Variants in FSTL4 observed in about 807,000 individuals in gnomAD.
FSTL4 encodes the protein follistatin like 4, also known as follistatin-related protein 4.
FSTL4 carries 28 observed loss-of-function variants against 78.2 expected under a neutral mutation model. That is an observed-to-expected ratio of 0.36 (90% CI 0.27 to 0.49). The LOEUF is 0.49. FSTL4 is among the 20% of genes least tolerant of loss of function. The probability of loss-of-function intolerance (pLI) is 0.98; values close to 1 mark genes in which losing one functional copy is unlikely to be tolerated. For synonymous variants in FSTL4, 422 were observed against 440.5 expected, an observed-to-expected ratio of 0.96 and a Z score of 0.53; for missense variants, 922 against 1,084.9, an observed-to-expected ratio of 0.85 and a Z score of 2.11.
chr5:133,818,261 A>G, the FSTL4 span, among the ~76,000 whole-genome samples: 2 of 152,206 alleles, frequency 1.3e-5, no homozygotes, highest in Non-Finnish European at 2.9e-5. Flanking sequence ...CTCTGCAAGG[A>G]GCTGCCAGGA....
At chr5:133,380,327 C>T (rs957503927) in intron 4 of FSTL4, among the ~76,000 whole-genome samples, 4 of 150,768 alleles carry the variant, frequency 2.7e-5, no homozygotes, top group African/African-American at 9.7e-5. Context: ...TTAGAAGTCT[C>T]GAATTACTAA....
upstream of FSTL4, among the ~76,000 whole-genome samples, chr5:133,613,674 C>T (rs1761151493): frequency 6.6e-6 from 1 of 152,188 alleles, no homozygotes; most frequent in Non-Finnish European, 1.5e-5. Flanking sequence ...TGGCATCACA[C>T]AGTTTTGGTC....
the FSTL4 span, among the ~76,000 whole-genome samples, chr5:133,763,773 G>T: frequency 6.6e-6 from 1 of 152,196 alleles, no homozygotes; most frequent in Non-Finnish European, 1.5e-5. Context: ...AAGTGAGGAG[G>T]CAGGTGATCT....
intron 4 of FSTL4, among the ~76,000 whole-genome samples, chr5:133,371,202 C>T (rs1161724320): frequency 1.3e-5 from 2 of 152,248 alleles, no homozygotes. Flanking sequence ...AGCTCTGGGA[C>T]TTAATGGAAT....
chr5:133,484,908 G>A (rs948008051), intron 3 of FSTL4, among the ~76,000 whole-genome samples: 1 of 152,180 alleles, frequency 6.6e-6, no homozygotes, highest in African/African-American at 2.4e-5. Flanking sequence ...TAAGCACCTT[G>A]TATTTATTAG....
chr5:133,255,846 G>A (rs1292693486), intron 6 of FSTL4, among the ~76,000 whole-genome samples: 1 of 152,192 alleles, frequency 6.6e-6, no homozygotes, highest in African/African-American at 2.4e-5. Context: ...CTGGGTTTTA[G>A]TTCCTATTAC....
At chr5:133,275,965 A>T (rs945600909) in intron 6 of FSTL4, 4 of 152,200 alleles carry the variant, frequency 2.6e-5, no homozygotes, top group Non-Finnish European at 5.9e-5. Context: ...TAATGTTGTT[A>T]ATTTGAAGTT....
chr5:133,565,472 G>T (rs1487453263), intron 3 of FSTL4, among the ~76,000 whole-genome samples: 1 of 152,184 alleles, frequency 6.6e-6, no homozygotes. Flanking sequence ...AACTTTGACA[G>T]AAACAAGCAA....
At chr5:133,681,033 A>C in the FSTL4 span, among the ~76,000 whole-genome samples, 1 of 152,268 alleles carries the variant, frequency 6.6e-6, no homozygotes, top group South Asian at 2.1e-4. Flanking sequence ...AAGGCTGGAC[A>C]GAGCAGAGGC....
At chr5:133,562,874 G>C (rs1759948898) in intron 3 of FSTL4, among the ~76,000 whole-genome samples, 2 of 152,192 alleles carry the variant, frequency 1.3e-5, no homozygotes, top group African/African-American at 4.8e-5. Context: ...AACAGTCAGA[G>C]AAAAGTACCG....
chr5:133,778,327 G>A, the FSTL4 span, among the ~76,000 whole-genome samples: 2 of 149,630 alleles, frequency 1.3e-5, no homozygotes, highest in Non-Finnish European at 1.5e-5. Flanking sequence ...CACGCAGAAA[G>A]GAGGTGTTTC....
At chr5:133,267,439 G>T (rs1163881335) in intron 6 of FSTL4, among the ~76,000 whole-genome samples, 1 of 152,178 alleles carries the variant, frequency 6.6e-6, no homozygotes, top group African/African-American at 2.4e-5. Context: ...AGCCCCACAG[G>T]GAGGCCGGGT....
At chr5:133,291,755 A>G (rs1753268014) in intron 6 of FSTL4, among the ~76,000 whole-genome samples, 1 of 152,144 alleles carries the variant, frequency 6.6e-6, no homozygotes, top group Non-Finnish European at 1.5e-5. Context: ...CAGTTCCTGT[A>G]CAGGTGTAGG....
the FSTL4 span, among the ~76,000 whole-genome samples, chr5:133,705,785 T>G: frequency 2.0e-5 from 3 of 151,828 alleles, no homozygotes; most frequent in Non-Finnish European, 4.4e-5. Flanking sequence ...ATCCTCTCCC[T>G]CACATTATTC....
At chr5:133,764,511 C>T in the FSTL4 span, among the ~76,000 whole-genome samples, 1 of 152,216 alleles carries the variant, frequency 6.6e-6, no homozygotes, top group African/African-American at 2.4e-5. Flanking sequence ...ATTAGCTCCC[C>T]CAATTCCTTG....
intron 4 of FSTL4, among the ~76,000 whole-genome samples, chr5:133,325,494 T>A (rs1276701444): frequency 2.0e-5 from 3 of 152,094 alleles, no homozygotes; most frequent in Non-Finnish European, 4.4e-5. Context: ...ACGCAGGACA[T>A]GGCTCAACAT....
the FSTL4 span, among the ~76,000 whole-genome samples, chr5:133,753,727 G>GTA: frequency 0.018 from 2,432 of 134,690 alleles, 78 homozygotes; most frequent in East Asian, 0.04. Context: ...GTGTGTGTGT[G>GTA]TAGTGGCAGG....
rs184478494 is a variant in FSTL4 at position 133,232,056 on chromosome 5, G to A, written c.1015+1361C>T. Reference sequence around the variant, plus strand: ...GAATGAATCGCTACTTGTCTGAACTGTGGGGAGGTCAAGGGTGTTTTTAAT... The same window carrying A: ...GAATGAATCGCTACTTGTCTGAACTATGGGGAGGTCAAGGGTGTTTTTAAT... On this transcript the variant is annotated intron_variant, in intron 8 of 15. Coordinates refer to ENST00000265342, the MANE Select transcript of FSTL4 (RefSeq NM_015082.2). Among the ~76,000 whole-genome samples, 92 of 152,344 alleles carry A rather than the reference G, an allele frequency of 6.0e-4. 1 individual carries two copies. The East Asian group carries it at 0.016, about 27-fold the overall frequency.
At chr5:133,655,362 C>A in the FSTL4 span, among the ~76,000 whole-genome samples, 1 of 152,180 alleles carries the variant, frequency 6.6e-6, no homozygotes, top group African/African-American at 2.4e-5. Context: ...GGAAACATAA[C>A]CCTGAATCAA....
Sources: gnomAD v4.1 joint callset for allele counts (sites outside exome capture counted in the v4.1 genomes callset) on GRCh38, gnomAD v4.1.1 for gene constraint, MANE v1.5 for transcripts, NCBI Gene and HGNC (gene_info 2026-07-23, HGNC 2026-07-21) for gene names.